NEGR1: variants seen among roughly 807,000 people sequenced by gnomAD.
The protein encoded by NEGR1 is neuronal growth regulator 1.
In NEGR1, 10 loss-of-function variants were observed where a neutral mutation model predicts 40.9. The observed-to-expected ratio is 0.24, with a 90% CI of 0.15 to 0.42. The LOEUF (loss-of-function observed/expected upper bound fraction) is 0.42, where lower values mean the gene tolerates loss of function less well. Among genes scored for constraint, NEGR1 ranks in the 10% least tolerant of loss-of-function variants. The pLI, the probability that NEGR1 is intolerant of heterozygous loss-of-function variation, is 1.00. For synonymous variants in NEGR1, 185 were observed against 166.8 expected, an observed-to-expected ratio of 1.11 and a Z score of -0.84; for missense variants, 352 against 438.9, an observed-to-expected ratio of 0.80 and a Z score of 1.77.
chr1:72,003,500 C>G (rs1646576031), intron 1 of NEGR1, among the ~76,000 whole-genome samples: 1 of 151,486 alleles, frequency 6.6e-6, no homozygotes, highest in Non-Finnish European at 1.5e-5. Flanking sequence ...AAGACATTAA[C>G]AAAATAAAAA....
At chr1:71,554,462 C>T (rs781542446) in intron 6 of NEGR1, among the ~76,000 whole-genome samples, 5 of 151,236 alleles carry the variant, frequency 3.3e-5, no homozygotes, top group Non-Finnish European at 5.9e-5. Flanking sequence ...GTGTATTTTT[C>T]GGTTACCAGG....
At chr1:71,488,872 G>T (rs1286796295) in intron 6 of NEGR1, among the ~76,000 whole-genome samples, 1 of 151,692 alleles carries the variant, frequency 6.6e-6, no homozygotes, top group Non-Finnish European at 1.5e-5. Context: ...TGATGGTGTG[G>T]TATAATTGAA....
chr1:71,730,567 A>ATT (rs1014625853), intron 3 of NEGR1, among the ~76,000 whole-genome samples: 46 of 115,718 alleles, frequency 4.0e-4, no homozygotes, highest in African/African-American at 1.2e-3. Context: ...TATAGTATAA[A>ATT]TTTATATATA....
chr1:71,586,296 T>C (rs1649303838), intron 6 of NEGR1, among the ~76,000 whole-genome samples: 1 of 152,098 alleles, frequency 6.6e-6, no homozygotes, highest in Non-Finnish European at 1.5e-5. Context: ...AGACAAGAAG[T>C]TTTCAAAACA....
chr1:71,990,109 G>T (rs530552975), intron 1 of NEGR1, among the ~76,000 whole-genome samples: 1 of 152,200 alleles, frequency 6.6e-6, no homozygotes, highest in East Asian at 1.9e-4. Context: ...AAATGCAGCT[G>T]AAATTTGTCT....
chr1:72,135,096 G>A (rs927968336), intron 1 of NEGR1, among the ~76,000 whole-genome samples: 5 of 150,242 alleles, frequency 3.3e-5, no homozygotes, highest in African/African-American at 1.2e-4. Flanking sequence ...ATAACTTTCG[G>A]CCGGGCGTGG....
chr1:72,184,517 G>GT (rs1270773016), intron 1 of NEGR1, among the ~76,000 whole-genome samples: 1 of 152,026 alleles, frequency 6.6e-6, no homozygotes, highest in Non-Finnish European at 1.5e-5. Flanking sequence ...TGAGAGAACA[G>GT]TAAGTGGTTG....
chr1:72,280,589 GAA>G (rs1024936143), intron 1 of NEGR1, among the ~76,000 whole-genome samples: 1 of 152,020 alleles, frequency 6.6e-6, no homozygotes, highest in Non-Finnish European at 1.5e-5. Context: ...TACCAACAAT[GAA>G]AAGTTTTTTT....
intron 2 of NEGR1, among the ~76,000 whole-genome samples, chr1:71,830,943 G>GAA (rs368927272): frequency 6.8e-6 from 1 of 147,890 alleles, no homozygotes; most frequent in African/African-American, 2.5e-5. Flanking sequence ...ATAGTTGTGG[G>GAA]AAAAAAAAAA....
At chr1:71,687,209 A>G (rs1001502892) in intron 4 of NEGR1, among the ~76,000 whole-genome samples, 1 of 152,178 alleles carries the variant, frequency 6.6e-6, no homozygotes, top group African/African-American at 2.4e-5. Context: ...GAGGCTTAAG[A>G]TATTTTGTCT....
intron 6 of NEGR1, among the ~76,000 whole-genome samples, chr1:71,565,041 G>A (rs571094137): frequency 2.4e-4 from 36 of 152,184 alleles, no homozygotes; most frequent in Admixed American, 5.2e-4. Context: ...ATTTTAAGGC[G>A]AAGAATCAGT....
chr1:71,931,692 C>A (rs1464642716), intron 2 of NEGR1, among the ~76,000 whole-genome samples: 1 of 152,134 alleles, frequency 6.6e-6, no homozygotes, highest in Non-Finnish European at 1.5e-5. Context: ...TTTTATTTGA[C>A]TGCACCTCAA....
intron 6 of NEGR1, among the ~76,000 whole-genome samples, chr1:71,579,253 T>G (rs1389234032): frequency 1.3e-5 from 2 of 152,186 alleles, no homozygotes; most frequent in African/African-American, 4.8e-5. Flanking sequence ...TTCACTTATA[T>G]TAGTCATTCT....
chr1:71,820,124 A>T (rs1658372869), intron 2 of NEGR1, among the ~76,000 whole-genome samples: 1 of 152,034 alleles, frequency 6.6e-6, no homozygotes, highest in Admixed American at 6.6e-5. Context: ...AGAGTGATAA[A>T]CAAGAAATTC....
chr1:71,767,457 C>T (rs950650023), intron 3 of NEGR1, among the ~76,000 whole-genome samples: 3 of 152,144 alleles, frequency 2.0e-5, no homozygotes, highest in Admixed American at 2.0e-4. Flanking sequence ...AATTTTAAAG[C>T]AGCCAGGTGT....
At chr1:71,466,234 T>C (rs574436774) in intron 6 of NEGR1, among the ~76,000 whole-genome samples, 1 of 152,196 alleles carries the variant, frequency 6.6e-6, no homozygotes, top group Non-Finnish European at 1.5e-5. Flanking sequence ...AAAGAAGTAA[T>C]AGTGTTGTAG....
At chr1:71,428,800 T>C (rs1379664261) in intron 6 of NEGR1, among the ~76,000 whole-genome samples, 1 of 151,868 alleles carries the variant, frequency 6.6e-6, no homozygotes, top group Non-Finnish European at 1.5e-5. Context: ...CTATGAAGTT[T>C]TAAAATCTTT....
chr1:72,230,918 T>C (rs956629071), intron 1 of NEGR1, among the ~76,000 whole-genome samples: 1 of 152,134 alleles, frequency 6.6e-6, no homozygotes, highest in African/African-American at 2.4e-5. Flanking sequence ...ATTACTAAGC[T>C]CTTCAAAAAA....
At chr1:71,659,735 T>C (rs1055088563) in intron 4 of NEGR1, among the ~76,000 whole-genome samples, 1 of 152,074 alleles carries the variant, frequency 6.6e-6, no homozygotes, top group Non-Finnish European at 1.5e-5. Context: ...AAGCTAAATC[T>C]CACTGATCAT....
Sources: allele counts gnomAD v4.1 joint callset (sites outside exome capture counted in the v4.1 genomes callset), GRCh38; gene constraint gnomAD v4.1.1; transcripts MANE v1.5; gene names NCBI Gene and HGNC (gene_info 2026-07-23, HGNC 2026-07-21).